The following GLDC variants were observed in gnomAD, a reference collection of about 807,000 sequenced individuals.
The protein encoded by GLDC is glycine dehydrogenase (decarboxylating), mitochondrial.
In GLDC, 104 loss-of-function variants were observed where a neutral mutation model predicts 121.3. That is an observed-to-expected ratio of 0.86 (90% CI 0.73 to 1.01). GLDC has a LOEUF of 1.01. Ranked by LOEUF, GLDC falls within the 50% of genes least tolerant of loss-of-function variation. The pLI is 0.00. For missense variants in GLDC, 1,429 were observed against 1,306.6 expected (o/e 1.09, Z -1.44); for synonymous variants, 546 against 480.6 (o/e 1.14, Z -1.78).
At position 6,587,171 on chromosome 9, in the gene GLDC, C is replaced by T. The variant is rs1818288295; in HGVS notation, c.1820G>A (p.Gly607Asp). 1 of 1,613,788 alleles carries T rather than the reference C, an allele frequency of 6.2e-7. No individual in the cohort carries two copies. Among genetic ancestry groups the T allele is most frequent in the Non-Finnish European group, 8.5e-7 (1 of 1,179,836 alleles). Residue 607 changes from glycine to aspartate, a missense_variant, in exon 15 of 25, where the codon GGT becomes GAT. Transcript: ENST00000321612. ...TGGCTGGAAACAGACCTGGTCATAACCTGTGAGTTCACACAAATCCTTCTC... is the reference window on the plus strand; with the variant it reads ...TGGCTGGAAACAGACCTGGTCATAATCTGTGAGTTCACACAAATCCTTCTC... ...ELEKDLCELTGYDQVCFQPNS... is the reference protein window; with the variant it reads ...ELEKDLCELTDYDQVCFQPNS...
chr9:6,587,729 TGAG>T (rs781667414), intron 14 of GLDC, among the ~76,000 whole-genome samples: 79 of 152,220 alleles, frequency 5.2e-4, no homozygotes, highest in Non-Finnish European at 1.0e-3. Context: ...TCTGGGAGGC[TGAG>T]GTGGGAGGAC....
At chr9:6,633,465 A>C (rs1819432988) in intron 2 of GLDC, among the ~76,000 whole-genome samples, 1 of 152,162 alleles carries the variant, frequency 6.6e-6, no homozygotes, top group Admixed American at 6.5e-5. Context: ...ATGTTCCACG[A>C]ATACCTCAAA....
intron 15 of GLDC, among the ~76,000 whole-genome samples, chr9:6,573,861 C>T (rs957184008): frequency 9.9e-5 from 15 of 152,078 alleles, no homozygotes; most frequent in African/African-American, 3.4e-4. Flanking sequence ...TTCCTATCTA[C>T]CAGGTGGAAA....
At chr9:6,539,386 T>G (rs928026447) in intron 22 of GLDC, among the ~76,000 whole-genome samples, 23 of 152,014 alleles carry the variant, frequency 1.5e-4, no homozygotes, top group African/African-American at 5.6e-4. Flanking sequence ...GGCTGAGGCA[T>G]GAGAATCACT....
chr9:6,620,495 A>C (rs1340962464), intron 2 of GLDC, among the ~76,000 whole-genome samples, 176 bp from the exon 3 acceptor site: 2 of 151,932 alleles, frequency 1.3e-5, no homozygotes, highest in African/African-American at 2.4e-5. Context: ...AAAAAAAAAA[A>C]AGTCCCCAAA....
chr9:6,561,807 T>C (rs780980564), intron 16 of GLDC, among the ~76,000 whole-genome samples: 2 of 152,184 alleles, frequency 1.3e-5, no homozygotes, highest in African/African-American at 2.4e-5. Flanking sequence ...TGGCATAGAA[T>C]AGCATGAGGT....
intron 2 of GLDC, chr9:6,622,687 C>G (rs1464496409): frequency 4.9e-6 from 1 of 204,140 alleles, no homozygotes; most frequent in Admixed American, 5.9e-5. Flanking sequence ...TGAGGAGCCT[C>G]TCTGCCTGGC....
intron 2 of GLDC, among the ~76,000 whole-genome samples, chr9:6,624,131 C>T (rs2578267): frequency 0.32 from 48,709 of 152,022 alleles, 8,279 homozygotes; most frequent in East Asian, 0.51. Flanking sequence ...GGGGAGACCC[C>T]GGCCCAGGGA....
rs533302748 is a variant in GLDC, at chr9:6,641,065, A to C, written c.334+3549T>G. 2.6e-5 allele frequency among the ~76,000 whole-genome samples: 4 copies of C among 152,312 alleles called. No individual in the cohort carries two copies. The East Asian group carries it at 5.8e-4, about 22-fold the overall frequency. The stretch of plus-strand genomic sequence containing the variant: ...TGTTTCTCTGAATAATGACTTACTT[A>C]GCAGCCAGTTCATGATCAAAGTATT... On this transcript the variant is annotated intron_variant, in intron 2 of 24. Transcript: ENST00000321612.
At position 6,587,151 on chromosome 9, in the gene GLDC, G is replaced by A. The variant is rs1168647647; in HGVS notation, c.1840C>T (p.Gln614Ter). Reference protein sequence around the residue: ...ELTGYDQVCFQPNSGAQGEYA... With the variant: ...ELTGYDQVCF ...AAGAAATGCCCTTACCTGTTTGGCT[G>A]GAAACAGACCTGGTCATAACCTGTG... is the stretch of plus-strand genomic sequence containing the variant. The change falls in exon 15 of 25, where the codon CAG becomes TAG. Residue 614 changes from glutamine to a stop codon, truncating the protein, a stop_gained. Coordinates refer to ENST00000321612, the MANE Select transcript of GLDC (RefSeq NM_000170.3). LOFTEE classifies it high-confidence loss of function. The A allele has an allele frequency of 6.2e-7, 1 of 1,613,134 alleles. No homozygotes were observed. The highest frequency in any genetic ancestry group is 8.5e-7 in the Non-Finnish European group (1 of 1,179,488).
In GLDC at chr9:6,610,248, A is replaced by G; in HGVS notation, c.579T>C (p.Asn193=). 3 of 1,613,980 alleles carry G rather than the reference A, an allele frequency of 1.9e-6. No homozygotes were observed. Among genetic ancestry groups the G allele is most frequent in the South Asian group, 1.1e-5 (1 of 91,028 alleles). The part of the protein sequence containing the change: ...VCDITGLDMA[N]ASLLDEGTAA... ...CAGTCCCCTCATCCAGCAGGGATGCATTGGCCATGTCCAGGCCTGTGATGT... is the reference window on the plus strand; with the variant it reads ...CAGTCCCCTCATCCAGCAGGGATGCGTTGGCCATGTCCAGGCCTGTGATGT... Residue 193 remains asparagine, a synonymous_variant, in exon 4 of 25, where the codon AAT becomes AAC. Coordinates refer to ENST00000321612, the MANE Select transcript of GLDC (RefSeq NM_000170.3).
intron 3 of GLDC, among the ~76,000 whole-genome samples, chr9:6,612,139 C>T (rs1224790469): frequency 6.6e-6 from 1 of 151,900 alleles, no homozygotes; most frequent in Non-Finnish European, 1.5e-5. Flanking sequence ...GTTGCTAAGC[C>T]AGTCTCTTCA....
intron 16 of GLDC, among the ~76,000 whole-genome samples, chr9:6,563,177 A>T (rs1817791429): frequency 6.6e-6 from 1 of 152,192 alleles, no homozygotes; most frequent in South Asian, 2.1e-4. Context: ...CCCAGGCCAA[A>T]CCCAAAGGCC....
At chr9:6,545,508 AGT>A (rs747843658) in intron 21 of GLDC, among the ~76,000 whole-genome samples, 8 of 152,214 alleles carry the variant, frequency 5.3e-5, no homozygotes, top group Admixed American at 1.3e-4. Context: ...TCAGTGAGTG[AGT>A]GGTGAGTGAA....
chr9:6,605,409 T>A, intron 5 of GLDC, 131 bp from the exon 6 acceptor site: 1 of 846,086 alleles, frequency 1.2e-6, no homozygotes, highest in Non-Finnish European at 1.9e-6. Flanking sequence ...CCTGCCCACA[T>A]CCCGTCCCAC....
Position 6,588,782 on chromosome 9 carries a change from C to T in GLDC, c.1581-80G>A, listed in dbSNP as rs1004096853. 1.2e-5 allele frequency: 10 copies of T among 860,020 alleles called. No homozygotes were observed. In the East Asian group the frequency reaches 2.4e-4, roughly 21 times the overall value. 53.3% of individuals were successfully genotyped at this position (860,020 alleles called of 1,614,324 possible). The stretch of plus-strand genomic sequence containing the variant: ...ACATCCTCCTGACATATAAGACACA[C>T]CGAAATCTACTTTCAAAATGCAGAT... On this transcript the variant is annotated intron_variant, in intron 12 of 24. Transcript: ENST00000321612.
At chr9:6,533,818 A>T (rs1197077520) in intron 24 of GLDC, among the ~76,000 whole-genome samples, 1 of 151,234 alleles carries the variant, frequency 6.6e-6, no homozygotes, top group East Asian at 2.0e-4. Flanking sequence ...AGATGGTGCC[A>T]TTGCACTCCA....
At chr9:6,644,029 CA>C (rs531081758) in intron 2 of GLDC, among the ~76,000 whole-genome samples, 103 of 18,334 alleles carry the variant, frequency 5.6e-3, no homozygotes, top group South Asian at 0.032. Context: ...GATTCTGTCT[CA>C]AAAAAAAAAA....
chr9:6,608,553 A>G (rs1342173249), intron 4 of GLDC, among the ~76,000 whole-genome samples: 1 of 148,734 alleles, frequency 6.7e-6, no homozygotes, highest in Non-Finnish European at 1.5e-5. Context: ...CTCCTGGCTA[A>G]CAGGGTGAAA....
Sources: allele counts gnomAD v4.1 joint callset (sites outside exome capture counted in the v4.1 genomes callset), GRCh38; gene constraint gnomAD v4.1.1; transcripts MANE v1.5; gene names NCBI Gene and HGNC (gene_info 2026-07-23, HGNC 2026-07-21).